The following SRD5A1 variants were observed in gnomAD, a reference collection of about 807,000 sequenced individuals.
SRD5A1 encodes the protein steroid 5 alpha-reductase 1.
Under a neutral mutation model 28.2 loss-of-function variants are expected in SRD5A1, and 22 were observed. That is an observed-to-expected ratio of 0.78 (90% confidence interval 0.56 to 1.12). SRD5A1 has a LOEUF of 1.12. SRD5A1 is among the 50% of genes most tolerant of loss of function. The pLI, the probability that SRD5A1 is intolerant of heterozygous loss-of-function variation, is 0.00. For synonymous variants in SRD5A1, 151 were observed against 135.0 expected, an observed-to-expected ratio of 1.12 and a Z score of -0.82; for missense variants, 300 against 346.7, an observed-to-expected ratio of 0.87 and a Z score of 1.07.
intron 1 of SRD5A1, among the ~76,000 whole-genome samples, chr5:6,649,211 C>G (rs560142814): frequency 2.0e-5 from 3 of 152,256 alleles, no homozygotes; most frequent in South Asian, 4.1e-4. Context: ...GTCAGGGACC[C>G]ACTTGAGGAG....
chr5:6,657,112 C>T (rs1284662242), intron 3 of SRD5A1, among the ~76,000 whole-genome samples: 2 of 152,236 alleles, frequency 1.3e-5, no homozygotes, highest in African/African-American at 4.8e-5. Flanking sequence ...CGTGACATCA[C>T]TTAGTTTGAA....
chr5:6,665,325 T>A (rs1275391782), intron 4 of SRD5A1, among the ~76,000 whole-genome samples: 1 of 152,234 alleles, frequency 6.6e-6, no homozygotes, highest in East Asian at 1.9e-4. Context: ...TGGCCGTTAT[T>A]ATAAGCCACC....
At chr5:6,648,482 C>CT (rs1003262666) in intron 1 of SRD5A1, among the ~76,000 whole-genome samples, 1 of 151,654 alleles carries the variant, frequency 6.6e-6, no homozygotes, top group Non-Finnish European at 1.5e-5. Flanking sequence ...TCTTTTCACT[C>CT]TAAGTCTTCT....
chr5:6,635,519 G>A (rs1738158709), intron 1 of SRD5A1, among the ~76,000 whole-genome samples: 3 of 152,184 alleles, frequency 2.0e-5, no homozygotes, highest in African/African-American at 7.2e-5. Context: ...CCGCAGCAAG[G>A]TTTCCCCACC....
intron 2 of SRD5A1, among the ~76,000 whole-genome samples, chr5:6,653,006 T>C (rs928073627): frequency 2.0e-5 from 3 of 152,314 alleles, no homozygotes; most frequent in Non-Finnish European, 4.4e-5. Context: ...ATGCTAAAAG[T>C]CTGAAGTCAG....
Position 6,673,787 on chromosome 5 carries a change from A to G in SRD5A1, c.*5519A>G, listed in dbSNP as rs1310145548. 2 of 152,352 alleles carry G rather than the reference A, an allele frequency of 1.3e-5. No individual in the cohort carries two copies. The highest frequency in any genetic ancestry group is 1.9e-4 in the East Asian group (1 of 5,192). 9.4% of individuals were successfully genotyped at this position (152,352 alleles called of 1,614,324 possible). Reference sequence around the variant, plus strand: ...TACTAGTGTCAGAGATTTTTTTTTAACAAAGAGCTATCAAGCCATGAAAAG... The same window carrying G: ...TACTAGTGTCAGAGATTTTTTTTTAGCAAAGAGCTATCAAGCCATGAAAAG... On this transcript the variant is annotated 3_prime_UTR_variant, in exon 5 of 5. Transcript: ENST00000274192.
chr5:6,663,915 T>C (rs569091018), intron 4 of SRD5A1, among the ~76,000 whole-genome samples: 215 of 152,136 alleles, frequency 1.4e-3, no homozygotes, highest in Non-Finnish European at 2.2e-4. Context: ...GAAGTGAATT[T>C]AGAGAACATC....
intron 1 of SRD5A1, among the ~76,000 whole-genome samples, chr5:6,650,073 C>A (rs545686162): frequency 6.6e-6 from 1 of 152,044 alleles, no homozygotes; most frequent in Admixed American, 6.6e-5. Flanking sequence ...TCTTTCTTCT[C>A]GGGTCAGTTT....
chr5:6,646,065 A>G (rs995796907), intron 1 of SRD5A1, among the ~76,000 whole-genome samples: 4 of 151,458 alleles, frequency 2.6e-5, no homozygotes, highest in Admixed American at 1.3e-4. Flanking sequence ...TCATTGTTCA[A>G]CTCCCACTTA....
At position 6,660,652 on chromosome 5, in the gene SRD5A1, C is replaced by T. The variant is rs150221329; in HGVS notation, c.563-2164C>T. ...TGCAGGTGCACATGCCCACACATGG[C>T]GAATGACATTCTATTTATTGGGCAT... On this transcript the variant is annotated intron_variant, in intron 3 of 4. Coordinates refer to ENST00000274192, the MANE Select transcript of SRD5A1 (RefSeq NM_001047.4). 3.5e-4 allele frequency among the ~76,000 whole-genome samples: 54 copies of T among 152,224 alleles called. No individual in the cohort carries two copies. The East Asian group carries it at 9.5e-3, about 27-fold the overall frequency.
intron 1 of SRD5A1, among the ~76,000 whole-genome samples, chr5:6,647,698 C>T (rs754927894): frequency 7.2e-5 from 11 of 152,118 alleles, no homozygotes; most frequent in Admixed American, 2.6e-4. Context: ...TACAGCACAC[C>T]GATGGGTCTT....
intron 3 of SRD5A1, among the ~76,000 whole-genome samples, chr5:6,658,341 T>C (rs1367837425): frequency 6.6e-6 from 1 of 151,858 alleles, no homozygotes; most frequent in Non-Finnish European, 1.5e-5. Flanking sequence ...ATAAAAAAAA[T>C]AAAATGTGAA....
rs570559506 is a variant in SRD5A1 at position 6,666,817 on chromosome 5, G to A, written c.714-1385G>A. ...GCCTGGTGGGGGGGCGCGTTTTCTC[G>A]GCATCCTGCGGCAGTCCTGTGTTTC... On this transcript the variant is annotated intron_variant, in intron 4 of 4. Transcript: ENST00000274192. Among the ~76,000 whole-genome samples, 5 of 152,176 alleles carry A rather than the reference G, an allele frequency of 3.3e-5. No individual in the cohort carries two copies. In the East Asian group the frequency reaches 5.8e-4, roughly 18 times the overall value.
chr5:6,657,006 G>A (rs551895775), intron 3 of SRD5A1, among the ~76,000 whole-genome samples: 1 of 152,296 alleles, frequency 6.6e-6, no homozygotes, highest in Admixed American at 6.5e-5. Flanking sequence ...ACAATTAGGA[G>A]TAAGAAGCAA....
intron 4 of SRD5A1, among the ~76,000 whole-genome samples, chr5:6,664,680 C>A (rs1052892164): frequency 6.6e-6 from 1 of 152,202 alleles, no homozygotes; most frequent in Non-Finnish European, 1.5e-5. Flanking sequence ...TGCTAGGATT[C>A]GAGGCGTGAG....
intron 2 of SRD5A1, among the ~76,000 whole-genome samples, chr5:6,655,457 ACT>A (rs1179986018): frequency 6.6e-6 from 1 of 152,052 alleles, no homozygotes; most frequent in Non-Finnish European, 1.5e-5. Context: ...GCCACGGGAG[ACT>A]CTTGTCAAGA....
intron 3 of SRD5A1, among the ~76,000 whole-genome samples, chr5:6,659,247 G>A (rs1738928781): frequency 6.6e-6 from 1 of 151,770 alleles, no homozygotes. Context: ...CCGAGTAGCT[G>A]GGACTACAGG....
At chr5:6,637,484 CG>C (rs1387751752) in intron 1 of SRD5A1, among the ~76,000 whole-genome samples, 1 of 152,160 alleles carries the variant, frequency 6.6e-6, no homozygotes, top group African/African-American at 2.4e-5. Context: ...TGAACTGTGT[CG>C]GAGTCGCTGG....
intron 1 of SRD5A1, among the ~76,000 whole-genome samples, chr5:6,636,605 G>T (rs1255026894): frequency 6.6e-6 from 1 of 152,148 alleles, no homozygotes; most frequent in East Asian, 1.9e-4. Context: ...GAGGCCTGAA[G>T]GCAGCAGCAG....
Sources: allele counts gnomAD v4.1 joint callset (sites outside exome capture counted in the v4.1 genomes callset), GRCh38; gene constraint gnomAD v4.1.1; transcripts MANE v1.5; gene names NCBI Gene and HGNC (gene_info 2026-07-23, HGNC 2026-07-21).